Variants in TENM3 observed in about 807,000 individuals in gnomAD.
TENM3 encodes teneurin-3.
In TENM3, 63 loss-of-function variants were observed where a neutral mutation model predicts 255.1. The observed-to-expected ratio is 0.25, with a 90% CI of 0.20 to 0.30. The LOEUF is 0.30. TENM3 is among the 10% of genes least tolerant of loss of function. The pLI, the probability that TENM3 is intolerant of heterozygous loss-of-function variation, is 1.00. For synonymous variants in TENM3, 1,306 were observed against 1,322.3 expected, an observed-to-expected ratio of 0.99 and a Z score of 0.27; for missense variants, 2,929 against 3,461.1, an observed-to-expected ratio of 0.85 and a Z score of 3.86.
At chr4:181,953,710 CAT>C in the TENM3 span, among the ~76,000 whole-genome samples, 1 of 151,834 alleles carries the variant, frequency 6.6e-6, no homozygotes, top group Non-Finnish European at 1.5e-5. Flanking sequence ...AAGAAAATAA[CAT>C]ATGTGAAGAA....
chr4:182,054,316 C>T, the TENM3 span, among the ~76,000 whole-genome samples: 3,181 of 152,206 alleles, frequency 0.021, 37 homozygotes, highest in Non-Finnish European at 0.034. Context: ...AAGTGTTAGA[C>T]GGTGTGCTCA....
At chr4:182,139,525 C>G (rs1749249144), upstream of TENM3, among the ~76,000 whole-genome samples, 2 of 152,206 alleles carry the variant, frequency 1.3e-5, no homozygotes, top group African/African-American at 4.8e-5. Context: ...CAGCTAATGC[C>G]TACCTCGAGT....
chr4:182,772,419 T>G (rs906559237), intron 22 of TENM3: 5 of 152,188 alleles, frequency 3.3e-5, no homozygotes, highest in African/African-American at 1.2e-4. Flanking sequence ...TTACTTCAAG[T>G]AGGATGTTGA....
chr4:182,326,616 C>T (rs1047302135), intron 2 of TENM3, among the ~76,000 whole-genome samples: 5 of 152,184 alleles, frequency 3.3e-5, no homozygotes, highest in African/African-American at 1.2e-4. Context: ...CTCACTGCAG[C>T]CTACAGCTCC....
chr4:181,501,614 G>A, the TENM3 span, among the ~76,000 whole-genome samples: 6 of 152,082 alleles, frequency 3.9e-5, no homozygotes, highest in East Asian at 1.9e-4. Flanking sequence ...TCCTGGCCTC[G>A]TAATCTGCCC....
chr4:182,043,633 A>G, the TENM3 span, among the ~76,000 whole-genome samples: 1 of 152,168 alleles, frequency 6.6e-6, no homozygotes, highest in Non-Finnish European at 1.5e-5. Context: ...AATAAATTAA[A>G]TTTTTAGGAT....
chr4:182,630,125 A>G (rs1751224909), intron 5 of TENM3, among the ~76,000 whole-genome samples: 1 of 152,182 alleles, frequency 6.6e-6, no homozygotes, highest in African/African-American at 2.4e-5. Context: ...AGGTAAAAGC[A>G]AGATGAAACC....
chr4:181,899,463 C>G, the TENM3 span, among the ~76,000 whole-genome samples: 16,300 of 152,020 alleles, frequency 0.11, 917 homozygotes, highest in East Asian at 0.26. Flanking sequence ...TGAAAGAAAA[C>G]CAACAACAAT....
Position 182,802,246 on chromosome 4 carries a change from ATATTT to A in TENM3, c.*1900_*1904del, listed in dbSNP as rs571613946. On this transcript the variant is annotated 3_prime_UTR_variant, in exon 28 of 28. Coordinates refer to ENST00000511685, the MANE Select transcript of TENM3 (RefSeq NM_001080477.4). ...ATTAATCTTCTAATGAATGCTGATG[ATATTT>A]TATTAGAATGAAAGCACAGATTAGC... 6 of 152,772 alleles carry A rather than the reference ATATTT, an allele frequency of 3.9e-5. No individual in the cohort carries two copies. The East Asian group carries it at 9.6e-4, about 25-fold the overall frequency. 9.5% of individuals were successfully genotyped at this position (152,772 alleles called of 1,614,324 possible).
the TENM3 span, among the ~76,000 whole-genome samples, chr4:181,512,826 A>G: frequency 2.0e-5 from 3 of 152,350 alleles, no homozygotes; most frequent in Non-Finnish European, 2.9e-5. Context: ...CAGGTGCACA[A>G]GTCTAGACAC....
chr4:181,581,085 A>G, the TENM3 span, among the ~76,000 whole-genome samples: 1 of 152,190 alleles, frequency 6.6e-6, no homozygotes, highest in Non-Finnish European at 1.5e-5. Flanking sequence ...TACATAGCAA[A>G]GAAAGGCAAG....
intron 3 of TENM3, among the ~76,000 whole-genome samples, chr4:182,374,773 C>A (rs1256754556): frequency 2.0e-5 from 3 of 152,110 alleles, no homozygotes; most frequent in Non-Finnish European, 4.4e-5. Context: ...TCCCCCAATT[C>A]TCTTGATCTT....
intron 1 of TENM3, among the ~76,000 whole-genome samples, chr4:182,162,386 T>C (rs1450536037): frequency 6.6e-6 from 1 of 152,078 alleles, no homozygotes; most frequent in Non-Finnish European, 1.5e-5. Flanking sequence ...TTTTAGAAGC[T>C]CCAAAGAAAT....
At chr4:181,749,168 G>GA in the TENM3 span, among the ~76,000 whole-genome samples, 4 of 151,208 alleles carry the variant, frequency 2.6e-5, no homozygotes, top group Admixed American at 1.3e-4. Flanking sequence ...TTGTGATTAG[G>GA]AAAAAAAATG....
the TENM3 span, among the ~76,000 whole-genome samples, chr4:181,908,239 A>C: frequency 6.6e-6 from 1 of 152,170 alleles, no homozygotes; most frequent in Non-Finnish European, 1.5e-5. Context: ...GTGACTTTCA[A>C]TAATTAGGGA....
intron 1 of TENM3, among the ~76,000 whole-genome samples, chr4:182,316,828 C>T (rs1176485152): frequency 1.3e-5 from 2 of 152,146 alleles, no homozygotes; most frequent in Non-Finnish European, 2.9e-5. Flanking sequence ...ACCACCTGTT[C>T]TACGGGGCTC....
In TENM3 at chr4:182,449,209, T is replaced by TGGC. The variant is rs1554068639; in HGVS notation, c.511+102299_511+102301dup. Reference sequence around the variant, plus strand: ...ACCGCGGCGGTGGCGGTGGCGGTGGTGGCGGCGGCGGCGGCGGCGGCTCCG... The same window carrying TGGC: ...ACCGCGGCGGTGGCGGTGGCGGTGGTGGCGGCGGCGGCGGCGGCGGCGGCTCCG... On this transcript the variant is annotated intron_variant, in intron 3 of 27. Transcript: ENST00000511685. 1.1e-3 allele frequency: 56 copies of TGGC among 52,162 alleles called. 1 individual carries two copies. The highest frequency in any genetic ancestry group is 1.9e-3 in the South Asian group (3 of 1,606). 3.2% of individuals were successfully genotyped at this position (52,162 alleles called of 1,614,324 possible).
At chr4:181,752,794 T>C in the TENM3 span, among the ~76,000 whole-genome samples, 1 of 150,578 alleles carries the variant, frequency 6.6e-6, no homozygotes, top group Non-Finnish European at 1.5e-5. Flanking sequence ...GAAAAAAAAA[T>C]AGATCTTTTA....
chr4:182,030,150 A>C, the TENM3 span, among the ~76,000 whole-genome samples: 2 of 151,908 alleles, frequency 1.3e-5, no homozygotes, highest in African/African-American at 2.4e-5. Flanking sequence ...CGTGTGCCAC[A>C]GTGGTTTCCT....
Sources: allele counts gnomAD v4.1 joint callset (sites outside exome capture counted in the v4.1 genomes callset), GRCh38; gene constraint gnomAD v4.1.1; transcripts MANE v1.5; gene names NCBI Gene and HGNC (gene_info 2026-07-23, HGNC 2026-07-21).